The following SMIM31 variants were observed in gnomAD, a reference collection of about 807,000 sequenced individuals.
SMIM31 encodes small integral membrane protein 31.
intron 2 of SMIM31, among the ~76,000 whole-genome samples, chr4:164,792,555 T>G (rs1415079235): frequency 1.3e-5 from 2 of 152,210 alleles, no homozygotes; most frequent in Non-Finnish European, 2.9e-5. Flanking sequence ...CTAAATTTTA[T>G]AGCATTTCAA....
chr4:164,796,147 T>G (rs1236027598), intron 2 of SMIM31, among the ~76,000 whole-genome samples: 1 of 152,212 alleles, frequency 6.6e-6, no homozygotes, highest in Non-Finnish European at 1.5e-5. Context: ...AACTAGCCCA[T>G]CAGGAGATGC....
intron 2 of SMIM31, among the ~76,000 whole-genome samples, chr4:164,789,313 T>A (rs1733070266): frequency 6.6e-6 from 1 of 152,182 alleles, no homozygotes; most frequent in Admixed American, 6.5e-5. Flanking sequence ...ACAAATGAAC[T>A]CACTCAGGCA....
intron 2 of SMIM31, among the ~76,000 whole-genome samples, chr4:164,773,448 C>CCA: frequency 6.6e-6 from 1 of 152,208 alleles, no homozygotes; most frequent in African/African-American, 2.4e-5. Context: ...AGGAAACTTA[C>CCA]AATCGTGGTG....
At chr4:164,792,948 G>T (rs1733122671) in intron 2 of SMIM31, among the ~76,000 whole-genome samples, 1 of 152,086 alleles carries the variant, frequency 6.6e-6, no homozygotes. Flanking sequence ...TTAGAATAAA[G>T]AGCTCATTCA....
intron 1 of SMIM31, among the ~76,000 whole-genome samples, chr4:164,758,313 A>G (rs1350327017): frequency 6.6e-6 from 1 of 152,196 alleles, no homozygotes. Flanking sequence ...TCATCTAAAA[A>G]TAGAGTTTGT....
intron 2 of SMIM31, among the ~76,000 whole-genome samples, chr4:164,788,478 C>CTTTTTTTATTTTTTTTTTTTTTTTTT (rs1733056343): frequency 1.7e-5 from 1 of 58,162 alleles, no homozygotes; most frequent in African/African-American, 7.2e-5. Context: ...TCTAATTTTT[C>CTTTTTTTATTTTTTTTTTTTTTTTTT]TTTTTTTTTT....
chr4:164,770,300 A>G (rs1732776046), intron 1 of SMIM31, 119 bp from the exon 2 acceptor site: 1 of 393,904 alleles, frequency 2.5e-6, no homozygotes, highest in Non-Finnish European at 4.5e-6. Flanking sequence ...CCAGGTACAC[A>G]GAAGTATTTT....
intron 1 of SMIM31, among the ~76,000 whole-genome samples, chr4:164,769,802 C>A (rs563649311): frequency 6.6e-6 from 1 of 151,584 alleles, no homozygotes; most frequent in South Asian, 2.1e-4. Flanking sequence ...AAACATGATC[C>A]TAACCATTAT....
At chr4:164,791,224 A>T (rs1202509038) in intron 2 of SMIM31, among the ~76,000 whole-genome samples, 1 of 152,126 alleles carries the variant, frequency 6.6e-6, no homozygotes, top group Non-Finnish European at 1.5e-5. Context: ...TGTTTTCTTA[A>T]TTATCATTAA....
Position 164,803,090 on chromosome 4 carries a change from G to T in SMIM31, c.*1896G>T, listed in dbSNP as rs924107556. 1 of 152,142 alleles carries T rather than the reference G, an allele frequency of 6.6e-6. No homozygotes were observed. Among genetic ancestry groups the T allele is most frequent in the Non-Finnish European group, 1.5e-5 (1 of 68,020 alleles). The allele number at this position is 152,142 out of a possible 1,614,324, so 9.4% of individuals were successfully genotyped here. A position where few individuals can be genotyped will look rare whatever the true frequency, so the allele number is the denominator to read the frequency against. Reference sequence around the variant, plus strand: ...GTGCCTAGGATCGTTGCTGAATAACGCTACCTATTATTATTGGAAAGCATT... The same window carrying T: ...GTGCCTAGGATCGTTGCTGAATAACTCTACCTATTATTATTGGAAAGCATT... On this transcript the variant is annotated 3_prime_UTR_variant, in exon 3 of 3. Coordinates refer to ENST00000507311, the MANE Select transcript of SMIM31 (RefSeq NM_001352885.1).
chr4:164,790,647 T>C (rs1733087777), intron 2 of SMIM31, among the ~76,000 whole-genome samples: 1 of 152,188 alleles, frequency 6.6e-6, no homozygotes, highest in African/African-American at 2.4e-5. Context: ...TTTTGTATTT[T>C]TACTTTACCA....
chr4:164,754,953 C>G (rs1311404101), intron 1 of SMIM31, among the ~76,000 whole-genome samples: 2 of 150,654 alleles, frequency 1.3e-5, no homozygotes, highest in African/African-American at 4.9e-5. Flanking sequence ...TTTCTATCAT[C>G]AGATTTATGT....
At position 164,775,069 on chromosome 4, in the gene SMIM31, A is replaced by G. The variant is rs1007539887; in HGVS notation, c.112+4514A>G. ...AAGAGGAGAAAACTGACAACATCGA[A>G]CTTTATCTGAGCTCTGTGCTTCTGG... On this transcript the variant is annotated intron_variant, in intron 2 of 2. Coordinates refer to ENST00000507311, the MANE Select transcript of SMIM31 (RefSeq NM_001352885.1). Among the ~76,000 whole-genome samples, 3 of 152,308 alleles carry G rather than the reference A, an allele frequency of 2.0e-5. 1 individual carries two copies. In the South Asian group the frequency reaches 6.2e-4, roughly 32 times the overall value.
rs534193999 is a variant in SMIM31 at position 164,777,570 on chromosome 4, T to G, written c.112+7015T>G. 2.6e-5 allele frequency among the ~76,000 whole-genome samples: 4 copies of G among 152,308 alleles called. No individual in the cohort carries two copies. In the East Asian group the frequency reaches 7.7e-4, roughly 29 times the overall value. On this transcript the variant is annotated intron_variant, in intron 2 of 2. Transcript: ENST00000507311. ...CTAGGCCCTGTCTTTGAAAGTTGTC[T>G]GGTGTAATGACCAGTAGGAAGTGAT...
At chr4:164,784,950 G>A (rs1025821218) in intron 2 of SMIM31, among the ~76,000 whole-genome samples, 6 of 149,974 alleles carry the variant, frequency 4.0e-5, no homozygotes, top group Admixed American at 3.3e-4. Flanking sequence ...AAAGCCGGGC[G>A]CGGTGGCTCA....
intron 2 of SMIM31, among the ~76,000 whole-genome samples, chr4:164,779,670 C>T (rs1732922540): frequency 6.6e-6 from 1 of 152,124 alleles, no homozygotes; most frequent in South Asian, 2.1e-4. Context: ...CAACTGAAAG[C>T]CACAAACTTG....
intron 1 of SMIM31, among the ~76,000 whole-genome samples, chr4:164,754,788 C>T (rs1028034420): frequency 7.3e-5 from 11 of 151,150 alleles, no homozygotes; most frequent in African/African-American, 2.7e-4. Flanking sequence ...AGTTCTTATA[C>T]TTTTCTATGC....
chr4:164,800,882 G>T (rs1036769380), intron 2 of SMIM31, among the ~76,000 whole-genome samples: 2 of 151,982 alleles, frequency 1.3e-5, no homozygotes, highest in Admixed American at 6.6e-5. Flanking sequence ...ACATTACCTA[G>T]GAAGAAACGA....
chr4:164,770,168 A>G (rs1189686673), intron 1 of SMIM31, among the ~76,000 whole-genome samples: 3 of 152,192 alleles, frequency 2.0e-5, no homozygotes, highest in Non-Finnish European at 2.9e-5. Flanking sequence ...AGCTGTGTAA[A>G]GGTAAACTGA....
Sources: gnomAD v4.1 joint callset for allele counts (sites outside exome capture counted in the v4.1 genomes callset) on GRCh38, gnomAD v4.1.1 for gene constraint, MANE v1.5 for transcripts, NCBI Gene and HGNC (gene_info 2026-07-23, HGNC 2026-07-21) for gene names.